ARID1B: variants seen among roughly 807,000 people sequenced by gnomAD.
ARID1B encodes AT-rich interactive domain-containing protein 1B.
In ARID1B, 30 loss-of-function variants were observed where a neutral mutation model predicts 212.3. The ratio of observed to expected loss-of-function variants is 0.14; its 90% CI spans 0.11 to 0.19. ARID1B has a LOEUF of 0.19. Ranked by LOEUF, ARID1B falls within the 10% of genes least tolerant of loss-of-function variation. The pLI, the probability that ARID1B is intolerant of heterozygous loss-of-function variation, is 1.00. For missense variants in ARID1B, 2,891 were observed against 3,204.0 expected (o/e 0.90, Z 2.36); for synonymous variants, 1,402 against 1,301.7 (o/e 1.08, Z -1.66).
chr6:156,829,504 A>G, intron 2 of ARID1B, 83 bp downstream of exon 2: 1 of 1,373,934 alleles, frequency 7.3e-7, no homozygotes, highest in East Asian at 2.5e-5. Flanking sequence ...TTGATGTTAA[A>G]GAGAATTAGG....
At chr6:156,987,492 G>A (rs763884702) in intron 4 of ARID1B, among the ~76,000 whole-genome samples, 1 of 152,016 alleles carries the variant, frequency 6.6e-6, no homozygotes, top group Non-Finnish European at 1.5e-5. Flanking sequence ...TACTGCACCC[G>A]GCTAATTTTT....
chr6:157,191,999 A>T (rs1793414990), intron 15 of ARID1B, among the ~76,000 whole-genome samples: 1 of 152,236 alleles, frequency 6.6e-6, no homozygotes, highest in Admixed American at 6.5e-5. Context: ...AATGAAATTC[A>T]TAGTATTTCA....
intron 4 of ARID1B, chr6:156,943,729 A>C (rs1792851286): frequency 1.3e-5 from 2 of 152,188 alleles, no homozygotes; most frequent in South Asian, 4.1e-4. Flanking sequence ...ACTTACTAAT[A>C]GCTAATTTTT....
rs993782160 is a variant in ARID1B, at chr6:157,076,299, TTTTG to T, written c.2248-8351_2248-8348del. Among the ~76,000 whole-genome samples the T allele has an allele frequency of 1.2e-4, 17 of 147,450 alleles. 1 individual carries two copies. The highest frequency in any genetic ancestry group is 6.8e-4 in the Admixed American group (10 of 14,804). ...AGTTGTGTGTTTTTCTGTTAGGTTT[TTTTG>T]TTTGTTTGTTTTGTTTTTTTTTCCT... On this transcript the variant is annotated intron_variant, in intron 4 of 19. Transcript: ENST00000636930.
rs118175411 is a variant in ARID1B at position 156,833,861 on chromosome 6, G to A, written c.1986+4440G>A. Among the ~76,000 whole-genome samples the A allele has an allele frequency of 9.9e-3, 1,507 of 152,200 alleles. 17 individuals are homozygous for A. Among genetic ancestry groups the A allele is most frequent in the Non-Finnish European group, 0.017 (1,129 of 68,000 alleles). Reference sequence around the variant, plus strand: ...GTAAAATATTTATTTCAGAACATAAGCATTTTATTTGGTACCCTCTTAACA... The same window carrying A: ...GTAAAATATTTATTTCAGAACATAAACATTTTATTTGGTACCCTCTTAACA... On this transcript the variant is annotated intron_variant, in intron 2 of 19. Transcript: ENST00000636930.
At chr6:156,932,132 A>G (rs1474532597) in intron 3 of ARID1B, among the ~76,000 whole-genome samples, 1 of 110,380 alleles carries the variant, frequency 9.1e-6, no homozygotes, top group Non-Finnish European at 1.7e-5. Flanking sequence ...CTTGTTTCTT[A>G]AAAAAAAAAA....
chr6:156,963,862 C>T (rs1032327961), intron 4 of ARID1B, among the ~76,000 whole-genome samples: 1 of 152,200 alleles, frequency 6.6e-6, no homozygotes, highest in African/African-American at 2.4e-5. Context: ...GCAGGACATA[C>T]AATAATCTCT....
intron 4 of ARID1B, among the ~76,000 whole-genome samples, chr6:157,039,731 C>CCCTT: frequency 3.4e-5 from 2 of 58,616 alleles, no homozygotes; most frequent in East Asian, 7.2e-4. Flanking sequence ...TTCTTTCTTT[C>CCCTT]CCTCCCTCCC....
intron 1 of ARID1B, among the ~76,000 whole-genome samples, chr6:156,782,361 A>G (rs918179042): frequency 6.6e-6 from 1 of 152,008 alleles, no homozygotes; most frequent in Admixed American, 6.5e-5. Flanking sequence ...TTATAGGAGA[A>G]GGGTCTTTTT....
chr6:157,000,944 C>G (rs1372592368), intron 4 of ARID1B, among the ~76,000 whole-genome samples: 1 of 152,022 alleles, frequency 6.6e-6, no homozygotes, highest in Non-Finnish European at 1.5e-5. Flanking sequence ...ATCCATCTGC[C>G]TCGGCCTCCA....
rs142220908 is a variant in ARID1B, at chr6:156,956,593, C to T, written c.2247+21017C>T. Reference sequence around the variant, plus strand: ...TGAGTTTGGGGTGAAGGGTGGATGACAGCTTCTTAGTCCACTGATATCTTA... The same window carrying T: ...TGAGTTTGGGGTGAAGGGTGGATGATAGCTTCTTAGTCCACTGATATCTTA... On this transcript the variant is annotated intron_variant, in intron 4 of 19. Coordinates refer to ENST00000636930, the MANE Select transcript of ARID1B (RefSeq NM_001374828.1). 4.5e-3 allele frequency among the ~76,000 whole-genome samples: 681 copies of T among 152,236 alleles called. 5 individuals are homozygous for T. The highest frequency in any genetic ancestry group is 0.016 in the African/African-American group (663 of 41,528).
intron 4 of ARID1B, among the ~76,000 whole-genome samples, chr6:157,027,202 C>A (rs909672128): frequency 2.0e-5 from 3 of 152,114 alleles, no homozygotes; most frequent in Non-Finnish European, 2.9e-5. Flanking sequence ...TAAATAGATT[C>A]TTCAAAATAA....
At chr6:157,046,907 A>C (rs979002696) in intron 4 of ARID1B, among the ~76,000 whole-genome samples, 2 of 152,188 alleles carry the variant, frequency 1.3e-5, no homozygotes, top group African/African-American at 4.8e-5. Flanking sequence ...GAGGGAGGGA[A>C]AGTGACTTAT....
intron 3 of ARID1B, among the ~76,000 whole-genome samples, chr6:156,921,707 A>G (rs1790817433): frequency 6.6e-6 from 1 of 152,208 alleles, no homozygotes; most frequent in African/African-American, 2.4e-5. Context: ...ACATCTTGTA[A>G]AAAGTTCAAA....
chr6:157,024,551 C>T (rs753919308), intron 4 of ARID1B: 1 of 152,194 alleles, frequency 6.6e-6, no homozygotes, highest in Non-Finnish European at 1.5e-5. Flanking sequence ...CACTTGAGGT[C>T]AGGAGTTCAA....
chr6:157,182,989 T>G (rs1256381985), intron 12 of ARID1B, among the ~76,000 whole-genome samples: 10 of 152,142 alleles, frequency 6.6e-5, no homozygotes, highest in Non-Finnish European at 2.9e-5. Flanking sequence ...ACTTCCTTAC[T>G]GTGACTGTGT....
At chr6:156,832,282 C>A (rs1392086287) in intron 2 of ARID1B, among the ~76,000 whole-genome samples, 2 of 152,202 alleles carry the variant, frequency 1.3e-5, no homozygotes. Flanking sequence ...TGTTCACAAA[C>A]AGGGTCCTGG....
At chr6:156,814,496 A>G (rs1191769337) in intron 1 of ARID1B, among the ~76,000 whole-genome samples, 1 of 152,172 alleles carries the variant, frequency 6.6e-6, no homozygotes, top group Non-Finnish European at 1.5e-5. Flanking sequence ...TGTGTTTGGA[A>G]TTGGATTGCA....
chr6:157,191,664 C>T (rs1793383923), intron 15 of ARID1B, among the ~76,000 whole-genome samples: 1 of 152,168 alleles, frequency 6.6e-6, no homozygotes, highest in South Asian at 2.1e-4. Flanking sequence ...TGCCCGTGGT[C>T]TACAAGCCAC....
Sources: allele counts gnomAD v4.1 joint callset (sites outside exome capture counted in the v4.1 genomes callset), GRCh38; gene constraint gnomAD v4.1.1; transcripts MANE v1.5; gene names NCBI Gene and HGNC (gene_info 2026-07-23, HGNC 2026-07-21).